The following PAPOLG variants were observed in gnomAD, a reference collection of about 807,000 sequenced individuals.
PAPOLG encodes poly(A) polymerase gamma.
Under a neutral mutation model 99.0 loss-of-function variants are expected in PAPOLG, and 40 were observed. The ratio of observed to expected loss-of-function variants is 0.40; its 90% CI spans 0.31 to 0.53. The LOEUF is 0.53. Among genes scored for constraint, PAPOLG ranks in the 20% least tolerant of loss-of-function variants. PAPOLG has a pLI of 0.41. For missense variants in PAPOLG, 675 were observed against 884.1 expected (o/e 0.76, Z 3.00); for synonymous variants, 310 against 299.3 (o/e 1.04, Z -0.37).
intron 21 of PAPOLG, among the ~76,000 whole-genome samples, chr2:60,795,598 A>G (rs952592781): frequency 7.1e-6 from 1 of 141,610 alleles, no homozygotes; most frequent in African/African-American, 2.8e-5. Context: ...AATAGAGAAA[A>G]ACCTTCTCTG....
At chr2:60,765,000 AAGTT>A (rs1670631191) in intron 3 of PAPOLG, among the ~76,000 whole-genome samples, 1 of 152,236 alleles carries the variant, frequency 6.6e-6, no homozygotes, top group African/African-American at 2.4e-5. Context: ...AAAAAAAATA[AAGTT>A]AGTTAACATC....
At chr2:60,783,947 G>A (rs1276392454) in intron 13 of PAPOLG, among the ~76,000 whole-genome samples, 4 of 152,114 alleles carry the variant, frequency 2.6e-5, no homozygotes. Flanking sequence ...GATTCTGATA[G>A]CTACCATCTG....
At chr2:60,776,603 T>G (rs768394799) in intron 8 of PAPOLG, among the ~76,000 whole-genome samples, 11 of 151,954 alleles carry the variant, frequency 7.2e-5, no homozygotes, top group Non-Finnish European at 1.2e-4. Context: ...AATTTTTGTA[T>G]TTTTAGTAGA....
intron 19 of PAPOLG, 99 bp from the exon 20 acceptor site, chr2:60,794,611 T>C (rs1671641750): frequency 2.0e-6 from 2 of 985,144 alleles, no homozygotes; most frequent in Non-Finnish European, 3.0e-6. Flanking sequence ...TAGTAATTTT[T>C]ATAATAGTGT....
At position 60,794,043 on chromosome 2, in the gene PAPOLG, T is replaced by G. The variant is rs1169697329; in HGVS notation, c.1841T>G (p.Val614Gly). ...ATTCCTACCGTAGTAGGACGAAATG[T>G]CATTCCTAGAATCACAACACCTCAC... ...CTIPTVVGRN[V>G]IPRITTPHNP... The change falls in exon 19 of 22, where the codon GTC (valine) becomes GGC (glycine). Residue 614 changes from valine to glycine, a missense_variant. Around this residue, in one of 3 missense-constraint regions of PAPOLG, gnomAD observed 413 missense variants for 460.5 expected, o/e 0.90. Transcript: ENST00000238714. 9 of 1,613,984 alleles carry G rather than the reference T, an allele frequency of 5.6e-6. No homozygotes were observed. Among genetic ancestry groups the G allele is most frequent in the African/African-American group, 1.3e-5 (1 of 74,922 alleles).
At position 60,787,044 on chromosome 2, in the gene PAPOLG, G is replaced by A; in HGVS notation, c.1264G>A (p.Gly422Arg). The A allele has an allele frequency of 6.2e-7, 1 of 1,610,548 alleles. No individual in the cohort carries two copies. The highest frequency in any genetic ancestry group is 8.5e-7 in the Non-Finnish European group (1 of 1,177,740). Residue 422 changes from glycine to arginine, a missense_variant, in exon 14 of 22, where the codon GGG (glycine) becomes AGG (arginine). Transcript: ENST00000238714. ...LAHVNPQSFP[G>R]NKEHHKDNNY... is the part of the protein sequence containing the mutation. ...CCATGTGAATCCCCAGTCATTCCCA[G>A]GGAATAAGGAACATCATAAAGAGTA...
At chr2:60,794,892 T>C in intron 20 of PAPOLG, 72 bp from the exon 21 acceptor site, 1 of 1,587,616 alleles carries the variant, frequency 6.3e-7, no homozygotes, top group African/African-American at 1.4e-5. Flanking sequence ...CGTTAGGTTT[T>C]ATTTTAAGTA....
At chr2:60,787,920 G>A (rs997095556) in intron 15 of PAPOLG, among the ~76,000 whole-genome samples, 24 of 151,830 alleles carry the variant, frequency 1.6e-4, no homozygotes, top group Non-Finnish European at 3.1e-4. Flanking sequence ...GTGTGGTGGC[G>A]GATGCCAGCT....
chr2:60,776,926 C>T (rs1340628657), intron 8 of PAPOLG, among the ~76,000 whole-genome samples: 1 of 152,236 alleles, frequency 6.6e-6, no homozygotes, highest in Non-Finnish European at 1.5e-5. Flanking sequence ...ACTAGATCTT[C>T]TGGATAACTT....
chr2:60,793,205 TAAAAAAAAAAAAAAA>T (rs779034834), intron 17 of PAPOLG, among the ~76,000 whole-genome samples: 1 of 45,528 alleles, frequency 2.2e-5, no homozygotes, highest in Non-Finnish European at 4.1e-5. Flanking sequence ...ATACCATGTC[TAAAAAAAAAAAAAAA>T]AAAAAAAAAA....
chr2:60,793,415 T>G (rs2103825827), intron 17 of PAPOLG, among the ~76,000 whole-genome samples: 1 of 151,294 alleles, frequency 6.6e-6, no homozygotes, highest in South Asian at 2.1e-4. Flanking sequence ...ATTTAAAAAA[T>G]TAACCCGATA....
intron 1 of PAPOLG, among the ~76,000 whole-genome samples, chr2:60,757,592 T>G (rs561406189): frequency 6.6e-6 from 1 of 152,330 alleles, no homozygotes; most frequent in African/African-American, 2.4e-5. Context: ...GCTTTGTTCA[T>G]GTTAGTATTT....
intron 3 of PAPOLG, among the ~76,000 whole-genome samples, chr2:60,768,175 C>T (rs560369953): frequency 2.6e-5 from 4 of 152,200 alleles, no homozygotes; most frequent in Non-Finnish European, 2.9e-5. Context: ...CAATCTCGGC[C>T]GCTGCAACCT....
rs1383772232 is a variant in PAPOLG, at chr2:60,801,354, A to G, written c.*4194A>G. ...GAATTTAAATTGGTCATAGTAGCAA[A>G]TAGTGCAGATGATGGAAGAAAACCA... On this transcript the variant is annotated 3_prime_UTR_variant, in exon 22 of 22. Coordinates refer to ENST00000238714, the MANE Select transcript of PAPOLG (RefSeq NM_022894.4). 1 of 152,228 alleles carries G rather than the reference A, an allele frequency of 6.6e-6. No homozygotes were observed. The highest frequency in any genetic ancestry group is 1.5e-5 in the Non-Finnish European group (1 of 68,032). The allele number at this position is 152,228 out of a possible 1,614,324, so 9.4% of individuals were successfully genotyped here.
chr2:60,784,682 T>C, intron 13 of PAPOLG, among the ~76,000 whole-genome samples: 1 of 152,222 alleles, frequency 6.6e-6, no homozygotes, highest in East Asian at 1.9e-4. Context: ...AGTCAGAAAA[T>C]AGGGTCTAGG....
At chr2:60,757,075 G>C (rs116017619) in intron 1 of PAPOLG, among the ~76,000 whole-genome samples, 1 of 151,110 alleles carries the variant, frequency 6.6e-6, no homozygotes, top group Non-Finnish European at 1.5e-5. Context: ...AACAGTTCCC[G>C]TACTTGGCAA....
intron 1 of PAPOLG, 153 bp from the exon 2 acceptor site, chr2:60,759,981 T>G: frequency 4.0e-6 from 1 of 251,598 alleles, no homozygotes; most frequent in Non-Finnish European, 6.3e-6. Flanking sequence ...AAAATACCCA[T>G]TTTTCCTTTA....
intron 10 of PAPOLG, 64 bp downstream of exon 10, chr2:60,780,843 A>G: frequency 7.7e-7 from 1 of 1,290,596 alleles, no homozygotes; most frequent in South Asian, 1.2e-5. Context: ...ACTAAATTAC[A>G]GTCTAGTTAA....
chr2:60,769,915 C>G (rs987172385), intron 5 of PAPOLG, among the ~76,000 whole-genome samples: 2 of 152,034 alleles, frequency 1.3e-5, no homozygotes, highest in African/African-American at 2.4e-5. Context: ...TGTTCTCCCT[C>G]CCTTGTCCCC....
Sources: allele counts gnomAD v4.1 joint callset (sites outside exome capture counted in the v4.1 genomes callset), GRCh38; gene constraint gnomAD v4.1.1; regional missense constraint gnomAD v4.1.1; transcripts MANE v1.5; gene names NCBI Gene and HGNC (gene_info 2026-07-23, HGNC 2026-07-21).